HADH: variants seen among roughly 807,000 people sequenced by gnomAD.
The protein encoded by HADH is hydroxyacyl-coenzyme A dehydrogenase, mitochondrial.
HADH carries 24 observed loss-of-function variants against 32.2 expected under a neutral mutation model. The observed-to-expected ratio is 0.75, with a 90% CI of 0.54 to 1.05. The LOEUF is 1.05. Ranked by LOEUF, HADH falls within the 50% of genes least tolerant of loss-of-function variation. The probability of loss-of-function intolerance (pLI) is 0.00; values close to 1 mark genes in which losing one functional copy is unlikely to be tolerated. For missense variants in HADH, 350 were observed against 397.1 expected (o/e 0.88, Z 1.01); for synonymous variants, 139 against 152.5 (o/e 0.91, Z 0.65).
chr4:108,000,299 A>G (rs1735081563), intron 1 of HADH, among the ~76,000 whole-genome samples: 1 of 152,226 alleles, frequency 6.6e-6, no homozygotes, highest in Admixed American at 6.5e-5. Context: ...ATGTACAGCT[A>G]TTACATATCA....
Position 108,034,740 on chromosome 4 carries a change from G to C in HADH, c.*383G>C, listed in dbSNP as rs550706321. On this transcript the variant is annotated 3_prime_UTR_variant, in exon 8 of 8. Coordinates refer to ENST00000309522, the MANE Select transcript of HADH (RefSeq NM_005327.7). ...CCATGCTCACTGTTGCTGCGTGGGA[G>C]AGTCACAAGCCACTGGCAAGCAAGT... 7.5e-4 allele frequency: 263 copies of C among 349,476 alleles called. 4 individuals are homozygous for C. Among genetic ancestry groups the C allele is most frequent in the South Asian group, 5.9e-3 (261 of 44,500 alleles). 21.6% of individuals were successfully genotyped at this position (349,476 alleles called of 1,614,324 possible). A position where few individuals can be genotyped will look rare whatever the true frequency, so the allele number is the denominator to read the frequency against.
Position 108,027,739 on chromosome 4 carries a change from G to A in HADH, c.688G>A (p.Ala230Thr), listed in dbSNP as rs780574282. The change falls in exon 6 of 8, where the codon GCA (alanine) becomes ACA (threonine). Residue 230 changes from alanine to threonine, a missense_variant. By Grantham distance (58) the Ala-to-Thr change is moderately conservative. Transcript: ENST00000309522. ...NRLLVPYLME[A>T]IRLYERGDAS... ...CCTCCTGGTTCCATACCTCATGGAA[G>A]CAATCAGGCTGTATGAACGAGGTAT... The A allele has an allele frequency of 1.2e-6, 2 of 1,605,306 alleles. No individual in the cohort carries two copies. Among genetic ancestry groups the A allele is most frequent in the Non-Finnish European group, 1.7e-6 (2 of 1,171,954 alleles).
chr4:107,999,959 A>AAAAAAGCTTATGTT (rs1484364516), intron 1 of HADH, among the ~76,000 whole-genome samples: 1 of 152,232 alleles, frequency 6.6e-6, no homozygotes, highest in Non-Finnish European at 1.5e-5. Flanking sequence ...AAGGGACATT[A>AAAAAAGCTTATGTT]AAAAAGCTTA....
chr4:107,991,526 A>G (rs567824878), intron 1 of HADH, among the ~76,000 whole-genome samples: 1 of 152,020 alleles, frequency 6.6e-6, no homozygotes, highest in African/African-American at 2.4e-5. Flanking sequence ...TTTTATTTAT[A>G]TGACTTCTTA....
chr4:108,033,145 T>C (rs1379008221), intron 6 of HADH, 31 bp from the exon 7 acceptor site: 2 of 1,001,216 alleles, frequency 2.0e-6, no homozygotes, highest in Non-Finnish European at 3.2e-6. Context: ...GGAAAGGTGG[T>C]GGTGACCCAG....
chr4:107,993,064 C>T (rs900209973), intron 1 of HADH, among the ~76,000 whole-genome samples: 6 of 152,158 alleles, frequency 3.9e-5, no homozygotes, highest in South Asian at 2.1e-4. Context: ...TGCAGTGAGC[C>T]GAGATCGCAC....
At chr4:108,009,699 G>T in intron 1 of HADH, 60 bp from the exon 2 acceptor site, 1 of 1,513,122 alleles carries the variant, frequency 6.6e-7, no homozygotes, top group South Asian at 1.1e-5. Flanking sequence ...GGTGGGGTGT[G>T]TGCGCGTGCG....
intron 1 of HADH, chr4:108,004,566 A>G (rs1292655055): frequency 8.7e-7 from 1 of 1,154,126 alleles, no homozygotes; most frequent in African/African-American, 1.6e-5. Context: ...ACATGTAACC[A>G]AAAGCTGTGA....
chr4:108,027,310 C>T (rs1379892413), intron 5 of HADH: 2 of 357,814 alleles, frequency 5.6e-6, no homozygotes, highest in African/African-American at 4.2e-5. Flanking sequence ...AACTTTGAGA[C>T]AAACTGTCAC....
At chr4:108,032,858 T>C in intron 6 of HADH, 4 of 390,556 alleles carry the variant, frequency 1.0e-5, no homozygotes, top group South Asian at 8.7e-5. Context: ...GGCGCACACC[T>C]GTAGTCTCAG....
chr4:108,028,229 G>A (rs950519521), intron 6 of HADH: 4 of 196,984 alleles, frequency 2.0e-5, no homozygotes, highest in African/African-American at 7.0e-5. Flanking sequence ...TCCTTACTGA[G>A]TGATGTCATG....
chr4:108,027,635 ATACC>A, intron 5 of HADH, 49 bp from the exon 6 acceptor site: 1 of 1,095,098 alleles, frequency 9.1e-7, no homozygotes, highest in South Asian at 1.2e-5. Context: ...TTCACAAAAG[ATACC>A]ATTTAATGAA....
intron 5 of HADH, chr4:108,024,998 T>C (rs1736013885): frequency 6.6e-6 from 1 of 152,224 alleles, no homozygotes; most frequent in Non-Finnish European, 1.5e-5. Context: ...TTATGAGGCA[T>C]CTGGACAATA....
At chr4:108,025,400 A>C (rs867532824) in intron 5 of HADH, 1 of 152,186 alleles carries the variant, frequency 6.6e-6, no homozygotes, top group African/African-American at 2.4e-5. Flanking sequence ...GCTGTGCCTC[A>C]GTGTCCTCAT....
At chr4:108,013,060 G>A (rs1210728001) in intron 2 of HADH, among the ~76,000 whole-genome samples, 1 of 152,166 alleles carries the variant, frequency 6.6e-6, no homozygotes, top group Non-Finnish European at 1.5e-5. Flanking sequence ...AGCCTTTTGA[G>A]TAGCTGGGAC....
intron 5 of HADH, chr4:108,025,842 T>G (rs992502387): frequency 6.6e-6 from 1 of 151,862 alleles, no homozygotes; most frequent in Non-Finnish European, 1.5e-5. Context: ...ATCATGCCAC[T>G]GCACTCCAGC....
At chr4:108,021,703 A>G (rs548459570) in intron 4 of HADH, among the ~76,000 whole-genome samples, 37 of 152,322 alleles carry the variant, frequency 2.4e-4, no homozygotes, top group African/African-American at 7.0e-4. Context: ...TGAAAACTCC[A>G]TAGTCAGCAG....
chr4:108,033,060 A>C, intron 6 of HADH, 116 bp from the exon 7 acceptor site: 1 of 774,590 alleles, frequency 1.3e-6, no homozygotes. Context: ...GTCTCAGTCT[A>C]GGCATTTTTT....
intron 5 of HADH, chr4:108,027,029 C>G (rs1180585595): frequency 6.3e-6 from 1 of 158,326 alleles, no homozygotes; most frequent in Non-Finnish European, 1.4e-5. Context: ...CCGTGAAAGG[C>G]CAGCTCTCTG....
Sources: allele counts gnomAD v4.1 joint callset (sites outside exome capture counted in the v4.1 genomes callset), GRCh38; gene constraint gnomAD v4.1.1; transcripts MANE v1.5; gene names NCBI Gene and HGNC (gene_info 2026-07-23, HGNC 2026-07-21).